The following ABL2 variants were observed in gnomAD, a reference collection of about 807,000 sequenced individuals.
ABL2 encodes the protein ABL proto-oncogene 2, non-receptor tyrosine kinase, also known as tyrosine-protein kinase ABL2.
A neutral mutation model predicts 107.7 loss-of-function variants in ABL2; 49 were observed. That is an observed-to-expected ratio of 0.45 (90% confidence interval 0.36 to 0.58). The LOEUF is 0.58. Among genes scored for constraint, ABL2 ranks in the 20% least tolerant of loss-of-function variants. The pLI, the probability that ABL2 is intolerant of heterozygous loss-of-function variation, is 0.00. For synonymous variants in ABL2, 549 were observed against 548.6 expected (o/e 1.00, Z -0.01); for missense variants, 1,245 against 1,457.0 (o/e 0.85, Z 2.37).
intron 6 of ABL2, 138 bp from the exon 7 acceptor site, chr1:179,118,902 A>G: frequency 8.9e-6 from 8 of 897,028 alleles, no homozygotes; most frequent in Non-Finnish European, 1.4e-5. Context: ...ACGTTCTCTG[A>G]AATTAATAAG....
rs578157802 is a variant in ABL2, at chr1:179,229,332, G to C, written c.66C>G (p.Ile22Met). Reference protein sequence around the residue: ...PGLQQPQPRGIRGSSAARPSG... With the variant: ...PGLQQPQPRGMRGSSAARPSG... ...AGGGCCTGGCTGCACTGCTGCCCCG[G>C]ATCCCGCGGGGCTGAGGCTGCTGGA... Residue 22 changes from isoleucine to methionine, a missense_variant, in exon 1 of 12, where the codon ATC becomes ATG. Physicochemically the swap from Ile to Met is conservative, Grantham distance 10 (BLOSUM62 1). This residue lies in a region of ABL2 where 164 missense variants were observed against 143.7 expected (regional missense o/e 1.14). Transcript: ENST00000502732. 3.2e-6 allele frequency: 5 copies of C among 1,584,632 alleles called. No individual in the cohort carries two copies. Among genetic ancestry groups the C allele is most frequent in the East Asian group, 4.7e-5 (2 of 42,516 alleles).
chr1:179,217,519 G>A (rs28424194), intron 1 of ABL2, among the ~76,000 whole-genome samples: 10 of 151,622 alleles, frequency 6.6e-5, no homozygotes, highest in South Asian at 2.1e-4. Context: ...CCAGCTACTC[G>A]GGAGGCTGAG....
chr1:179,203,455 C>T (rs990955091), intron 1 of ABL2, among the ~76,000 whole-genome samples: 1 of 152,102 alleles, frequency 6.6e-6, no homozygotes, highest in Non-Finnish European at 1.5e-5. Context: ...TCATCCTCTC[C>T]AGGTAACTTT....
chr1:179,217,801 G>A (rs1662653857), intron 1 of ABL2, among the ~76,000 whole-genome samples: 1 of 151,882 alleles, frequency 6.6e-6, no homozygotes, highest in Non-Finnish European at 1.5e-5. Flanking sequence ...ATCTAACCCT[G>A]GTCTACCAGT....
intron 3 of ABL2, among the ~76,000 whole-genome samples, chr1:179,129,720 C>T (rs1333878811): frequency 1.3e-5 from 2 of 151,344 alleles, no homozygotes; most frequent in Admixed American, 6.6e-5. Context: ...GTCTTTTGTT[C>T]TATCCTCAAA....
intron 1 of ABL2, 34 bp downstream of exon 1, chr1:179,229,207 C>CCCCCCCCCCCCCCCCAG: frequency 6.7e-7 from 1 of 1,485,454 alleles, no homozygotes; most frequent in Non-Finnish European, 9.0e-7. Context: ...CCGGCCTCCC[C>CCCCCCCCCCCCCCCCAG]CACGCTCTCA....
chr1:179,151,963 T>C lies in ABL2; in HGVS notation c.158-18589A>G, dbSNP rs76644226. ...AGAGTAGGAGCCTTTTCTGATTATG[T>C]AACCATAGGTATCAACCTACTGGAT... On this transcript the variant is annotated intron_variant, in intron 1 of 11. Coordinates refer to ENST00000502732, the MANE Select transcript of ABL2 (RefSeq NM_007314.4). Among the ~76,000 whole-genome samples, 983 of 152,306 alleles carry C rather than the reference T, an allele frequency of 6.5e-3. 7 individuals are homozygous for C. Among genetic ancestry groups the C allele is most frequent in the Non-Finnish European group, 8.5e-3 (581 of 68,024 alleles).
chr1:179,107,789 GCA>G lies in ABL2; in HGVS notation c.3476_3477del (p.Val1159AlafsTer8). The G allele has an allele frequency of 6.2e-7, 1 of 1,614,214 alleles. No individual in the cohort carries two copies. The highest frequency in any genetic ancestry group is 8.5e-7 in the Non-Finnish European group (1 of 1,180,040). On this transcript the variant is annotated frameshift_variant, in exon 12 of 12. Transcript: ENST00000502732. LOFTEE classifies it high-confidence loss of function. ...TTATTAAGGACAGGGTTTGTCCCGG[GCA>G]CACCAGCAGCTGCTGAAGAAACCTG... Reference protein sequence around the residue: ...ELQVSSAAAGVPGTNPVLNNL... With the variant: ...ELQVSSAAAGXPGTNPVLNNL...
intron 1 of ABL2, among the ~76,000 whole-genome samples, chr1:179,178,159 A>G (rs1660152242): frequency 6.6e-6 from 1 of 152,172 alleles, no homozygotes; most frequent in Non-Finnish European, 1.5e-5. Flanking sequence ...GCACTTTGGG[A>G]GGCTGAGGCG....
In ABL2 at chr1:179,126,692, A is replaced by G; in HGVS notation, c.392-20T>C. On this transcript the variant is annotated intron_variant, in intron 3 of 11. Transcript: ENST00000502732. This position sits in a 1 kb window ranked among gnomAD's most constrained non-coding sequence, Gnocchi z 4.4. ...TTTCACCTAGCCATAAGGTCATCAC[A>G]GGATGAAAGAAACGATGTTAAGACT... 1.3e-6 allele frequency: 2 copies of G among 1,591,248 alleles called. No individual in the cohort carries two copies. Among genetic ancestry groups the G allele is most frequent in the Non-Finnish European group, 1.7e-6 (2 of 1,163,388 alleles).
In ABL2 at chr1:179,104,745, A is replaced by C. The variant is rs1444508217; in HGVS notation, c.*2973T>G. 1.8e-5 allele frequency: 4 copies of C among 216,788 alleles called. No homozygotes were observed. The highest frequency in any genetic ancestry group is 3.7e-5 in the Non-Finnish European group (4 of 107,690). 13.4% of individuals were successfully genotyped at this position (216,788 alleles called of 1,614,324 possible). On this transcript the variant is annotated 3_prime_UTR_variant, in exon 12 of 12. Coordinates refer to ENST00000502732, the MANE Select transcript of ABL2 (RefSeq NM_007314.4). ...TAAACTGAAGTAATATTATCTGTAC[A>C]TGAAAGGAATCAAGCAGTGGCAGCC...
chr1:179,193,271 C>T (rs1457687098), intron 1 of ABL2, among the ~76,000 whole-genome samples: 1 of 151,552 alleles, frequency 6.6e-6, no homozygotes, highest in Admixed American at 6.6e-5. Context: ...TGAAATCACA[C>T]AAAATTTCTA....
At chr1:179,158,779 T>C (rs1032815750) in intron 1 of ABL2, among the ~76,000 whole-genome samples, 6 of 152,222 alleles carry the variant, frequency 3.9e-5, no homozygotes, top group African/African-American at 7.2e-5. Context: ...AATAAGATTA[T>C]TTTACTATAC....
At chr1:179,174,910 A>T (rs1301117045) in intron 1 of ABL2, among the ~76,000 whole-genome samples, 1,049 of 91,386 alleles carry the variant, frequency 0.011, 39 homozygotes, top group African/African-American at 0.031. Context: ...AAAAAAAAAT[A>T]AAATAAAAAA....
intron 1 of ABL2, among the ~76,000 whole-genome samples, chr1:179,171,378 C>T (rs1659708614): frequency 1.3e-5 from 2 of 152,108 alleles, no homozygotes; most frequent in South Asian, 4.1e-4. Flanking sequence ...TTAGAGATTT[C>T]GCTAGAACAA....
chr1:179,126,358 G>A lies in ABL2; in HGVS notation c.687+19C>T. ...GAGTAGCCAGTCCATGCTTAAAGGT[G>A]GTGACCAGGGAGTCTTACCTTGCCA... is the stretch of plus-strand genomic sequence containing the variant. On this transcript the variant is annotated intron_variant, in intron 4 of 11. Transcript: ENST00000502732. The surrounding 1 kb of genome is among the most constrained non-coding windows in gnomAD (Gnocchi z 4.4). 2 of 1,604,266 alleles carry A rather than the reference G, an allele frequency of 1.2e-6. No homozygotes were observed. Among genetic ancestry groups the A allele is most frequent in the Non-Finnish European group, 1.7e-6 (2 of 1,171,828 alleles).
chr1:179,176,702 C>CT (rs35138436), intron 1 of ABL2, among the ~76,000 whole-genome samples: 27 of 107,306 alleles, frequency 2.5e-4, no homozygotes, highest in African/African-American at 2.8e-4. Flanking sequence ...GTTACATATT[C>CT]TTTTTTTTTT....
At chr1:179,212,848 A>C (rs1662352578) in intron 1 of ABL2, among the ~76,000 whole-genome samples, 1 of 151,812 alleles carries the variant, frequency 6.6e-6, no homozygotes, top group Non-Finnish European at 1.5e-5. Context: ...GGAGCTCAAG[A>C]CCAGCCTGAC....
At chr1:179,192,663 A>G (rs1265618345) in intron 1 of ABL2, among the ~76,000 whole-genome samples, 2 of 152,242 alleles carry the variant, frequency 1.3e-5, no homozygotes, top group Admixed American at 1.3e-4. Flanking sequence ...TGTGCCAGAC[A>G]TAAAAGAATG....
Sources: allele counts gnomAD v4.1 joint callset (sites outside exome capture counted in the v4.1 genomes callset), GRCh38; gene constraint gnomAD v4.1.1; regional missense constraint gnomAD v4.1.1; non-coding constraint Gnocchi (gnomAD v3.1); transcripts MANE v1.5; gene names NCBI Gene and HGNC (gene_info 2026-07-23, HGNC 2026-07-21).